LHX3: variants seen among roughly 807,000 people sequenced by gnomAD.
LHX3 encodes LIM homeobox 3.
In LHX3, 21 loss-of-function variants were observed where a neutral mutation model predicts 32.4. That is an observed-to-expected ratio of 0.65 (90% CI 0.46 to 0.93). The LOEUF is 0.93. Ranked by LOEUF, LHX3 falls within the 40% of genes least tolerant of loss-of-function variation. The pLI is 0.00. For missense variants in LHX3, 626 were observed against 560.0 expected (o/e 1.12, Z -1.19); for synonymous variants, 258 against 246.8 (o/e 1.05, Z -0.43).
At chr9:136,199,140 G>T in intron 3 of LHX3, 81 bp from the exon 4 acceptor site, 4 of 758,918 alleles carry the variant, frequency 5.3e-6, no homozygotes, top group Non-Finnish European at 7.1e-6. Flanking sequence ...CGGCCGGCGC[G>T]GGGACGTCGG....
intron 1 of LHX3, chr9:136,201,629 C>T (rs1265886327): frequency 1.0e-6 from 1 of 996,554 alleles, no homozygotes; most frequent in South Asian, 4.7e-5. Context: ...ATATTGCACC[C>T]GCCTCCCTGG....
intron 1 of LHX3, among the ~76,000 whole-genome samples, chr9:136,204,595 G>A (rs1282623085): frequency 6.6e-6 from 1 of 152,198 alleles, no homozygotes; most frequent in East Asian, 1.9e-4. Context: ...GGGGTCCAGA[G>A]ACCTGGGCCG....
chr9:136,201,181 C>A (rs1308248731), intron 1 of LHX3: 1 of 1,357,458 alleles, frequency 7.4e-7, no homozygotes, highest in South Asian at 2.1e-5. Context: ...CTGGGGCACC[C>A]CATCGGGTCT....
intron 1 of LHX3, among the ~76,000 whole-genome samples, chr9:136,204,555 C>A (rs1462332824): frequency 6.6e-6 from 1 of 152,112 alleles, no homozygotes. Flanking sequence ...GTGGTTCAGG[C>A]GGGAGACACA....
chr9:136,203,310 GC>G, intron 1 of LHX3: 2 of 237,744 alleles, frequency 8.4e-6, no homozygotes, highest in Non-Finnish European at 1.4e-5. Flanking sequence ...GACCTGCGGT[GC>G]CCAGAGGCCG....
intron 1 of LHX3, among the ~76,000 whole-genome samples, chr9:136,202,789 C>T (rs114766443): frequency 0.021 from 3,123 of 152,336 alleles, 117 homozygotes; most frequent in African/African-American, 0.071. Context: ...GGCCCTGCAA[C>T]AAATACAGGC....
chr9:136,203,417 CG>C (rs1831693986), intron 1 of LHX3, among the ~76,000 whole-genome samples: 1 of 152,146 alleles, frequency 6.6e-6, no homozygotes. Flanking sequence ...CTTCCTGCGC[CG>C]GAGCGGCCCA....
At chr9:136,198,449 G>A (rs1831547570) in intron 5 of LHX3, among the ~76,000 whole-genome samples, 1 of 152,274 alleles carries the variant, frequency 6.6e-6, no homozygotes, top group African/African-American at 2.4e-5. Flanking sequence ...TCCCCACCAG[G>A]GGAAAAGCAG....
intron 1 of LHX3, chr9:136,202,806 G>T: frequency 3.0e-6 from 3 of 987,090 alleles, no homozygotes; most frequent in Non-Finnish European, 4.6e-6. Flanking sequence ...AGGCTGAGGC[G>T]CCCAGGCGCG....
Position 136,202,257 on chromosome 9 carries a change from C to T in LHX3, c.80-1504G>A, listed in dbSNP as rs577516324. ...GCCCCCACAGCCTGGATGTAACCCC[C>T]TTCCCGCCGGCCGGTCCCTCTCACT... On this transcript the variant is annotated intron_variant, in intron 1 of 5. Transcript: ENST00000371748. 9.8e-5 allele frequency among the ~76,000 whole-genome samples: 15 copies of T among 152,332 alleles called. No homozygotes were observed. The East Asian group carries it at 2.9e-3, about 29-fold the overall frequency.
At chr9:136,203,377 T>A (rs1323799479) in intron 1 of LHX3, among the ~76,000 whole-genome samples, 1 of 152,064 alleles carries the variant, frequency 6.6e-6, no homozygotes, top group East Asian at 1.9e-4. Flanking sequence ...AGGTCAGGGC[T>A]TCCCGCCAGC....
rs1253920801 is a variant in LHX3, at chr9:136,197,119, G to A, written c.*206C>T. 3.3e-6 allele frequency: 2 copies of A among 601,760 alleles called. No individual in the cohort carries two copies. The highest frequency in any genetic ancestry group is 5.9e-6 in the Non-Finnish European group (2 of 339,776). 37.3% of individuals were successfully genotyped at this position (601,760 alleles called of 1,614,324 possible). On this transcript the variant is annotated 3_prime_UTR_variant, in exon 6 of 6. Transcript: ENST00000371748. ...AGGCTGGCTTGCTGGGAGGCCACCT[G>A]GCGGGCCAGCCCTGTGTCAGAGGAG...
chr9:136,199,733 G>A lies in LHX3; in HGVS notation c.399C>T (p.Leu133=), dbSNP rs755264990. 2 of 1,612,830 alleles carry A rather than the reference G, an allele frequency of 1.2e-6. No homozygotes were observed. Among genetic ancestry groups the A allele is most frequent in the African/African-American group, 2.7e-5 (2 of 74,948 alleles). Residue 133 remains leucine (L), a synonymous_variant, in exon 3 of 6, where the codon CTC becomes CTT. Transcript: ENST00000371748. ...RQLATGDEFY[L]MEDSRLVCKA... ...TGCACACGAGCCGGCTGTCCTCCAT[G>A]AGGTAGAACTCGTCGCCCGTGGCCA...
intron 1 of LHX3, chr9:136,201,476 C>G (rs1003979063): frequency 8.3e-7 from 1 of 1,207,452 alleles, no homozygotes; most frequent in Non-Finnish European, 1.0e-6. Context: ...AGGAACCACA[C>G]TGGGGAGGTC....
Position 136,204,857 on chromosome 9 carries a change from T to C in LHX3, c.79+77A>G, listed in dbSNP as rs1278669365. ...GGCGGGACTTTCTTTGCCTGGCCGC[T>C]GGCCCTGCACGCACCCCCTTCCTCG... is the stretch of plus-strand genomic sequence containing the variant. On this transcript the variant is annotated intron_variant, in intron 1 of 5. Coordinates refer to ENST00000371748, the MANE Select transcript of LHX3 (RefSeq NM_178138.6). The C allele has an allele frequency of 8.2e-5, 100 of 1,212,246 alleles. 1 individual carries two copies. The highest frequency in any genetic ancestry group is 1.1e-4 in the Non-Finnish European group (97 of 847,904). 75.1% of individuals were successfully genotyped at this position (1,212,246 alleles called of 1,614,324 possible). A position where few individuals can be genotyped will look rare whatever the true frequency, so the allele number is the denominator to read the frequency against.
At chr9:136,200,843 G>A (rs902406459) in intron 1 of LHX3, 90 bp from the exon 2 acceptor site, 28 of 1,459,536 alleles carry the variant, frequency 1.9e-5, no homozygotes, top group Admixed American at 1.6e-4. Flanking sequence ...TCTCCCCTCC[G>A]GCCCACAGGA....
At chr9:136,199,605 G>T in intron 3 of LHX3, 73 bp downstream of exon 3, 1 of 1,496,428 alleles carries the variant, frequency 6.7e-7, no homozygotes. Flanking sequence ...TTCCCCGGAC[G>T]CCCCCCTGGG....
At chr9:136,200,065 C>T (rs1831603751) in intron 2 of LHX3, 185 bp from the exon 3 acceptor site, 2 of 705,638 alleles carry the variant, frequency 2.8e-6, no homozygotes, top group Non-Finnish European at 5.1e-6. Context: ...AGAAGGGAAC[C>T]TCAATCTCAG....
Position 136,198,944 on chromosome 9 carries a change from G to C in LHX3, c.570C>G (p.Leu190=). The C allele has an allele frequency of 6.3e-7, 1 of 1,588,484 alleles. No homozygotes were observed. Among genetic ancestry groups the C allele is most frequent in the African/African-American group, 1.4e-5 (1 of 73,742 alleles). ...PKPARHVREQ[L]SSETGLDMRV... ...GCATGTCCAGGCCCGTCTCGGACGA[G>C]AGCTGCTCGCGCACGTGGCGCGCCG... Residue 190 remains leucine, a synonymous_variant, in exon 4 of 6, where the codon CTC becomes CTG. Transcript: ENST00000371748.
Sources: allele counts gnomAD v4.1 joint callset (sites outside exome capture counted in the v4.1 genomes callset), GRCh38; gene constraint gnomAD v4.1.1; transcripts MANE v1.5; gene names NCBI Gene and HGNC (gene_info 2026-07-23, HGNC 2026-07-21).